SCUBE1: variants seen among roughly 807,000 people sequenced by gnomAD.
SCUBE1 encodes the protein signal peptide, CUB domain and EGF like domain containing 1.
A neutral mutation model predicts 124.4 loss-of-function variants in SCUBE1; 59 were observed. The ratio of observed to expected loss-of-function variants is 0.47; its 90% CI spans 0.38 to 0.59. The LOEUF is 0.59. Among genes scored for constraint, SCUBE1 ranks in the 20% least tolerant of loss-of-function variants. SCUBE1 has a pLI of 0.00. For synonymous variants in SCUBE1, 545 were observed against 550.9 expected, an observed-to-expected ratio of 0.99 and a Z score of 0.15; for missense variants, 1,150 against 1,371.2, an observed-to-expected ratio of 0.84 and a Z score of 2.55.
chr22:43,232,814 C>A (rs559881486), intron 7 of SCUBE1, among the ~76,000 whole-genome samples: 2 of 152,212 alleles, frequency 1.3e-5, no homozygotes, highest in Non-Finnish European at 1.5e-5. Flanking sequence ...CCCCTGTGAG[C>A]CCCCATGCTC....
chr22:43,260,940 T>C (rs543223657), intron 5 of SCUBE1, among the ~76,000 whole-genome samples: 1 of 152,330 alleles, frequency 6.6e-6, no homozygotes, highest in African/African-American at 2.4e-5. Context: ...TTGTGTCAGA[T>C]GTACTATGGG....
At chr22:43,288,037 T>G (rs185572378) in intron 4 of SCUBE1, among the ~76,000 whole-genome samples, 20 of 152,330 alleles carry the variant, frequency 1.3e-4, no homozygotes, top group Admixed American at 1.0e-3. Flanking sequence ...ACCTTGTCGT[T>G]CGAGAGCAAT....
At chr22:43,292,339 T>C (rs192409522) in intron 3 of SCUBE1, among the ~76,000 whole-genome samples, 1 of 152,262 alleles carries the variant, frequency 6.6e-6, no homozygotes, top group Non-Finnish European at 1.5e-5. Flanking sequence ...AAGGGCGCTA[T>C]TGGCTGAAAA....
At chr22:43,278,243 T>C (rs5759251) in intron 4 of SCUBE1, among the ~76,000 whole-genome samples, 76,471 of 152,230 alleles carry the variant, frequency 0.5, 22,069 homozygotes, top group East Asian at 0.97. Context: ...TTTATTCTCC[T>C]GTCCACCTGG....
rs200425162 is a variant in SCUBE1 at position 43,227,380 on chromosome 22, A to G, written c.1201T>C (p.Cys401Arg). 6.2e-7 allele frequency: 1 copy of G among 1,610,082 alleles called. No homozygotes were observed. Among genetic ancestry groups the G allele is most frequent in the Admixed American group, 1.7e-5 (1 of 59,842 alleles). ...GCACAGGGCGGCCACCTACCCACGC[A>G]ATCCTTCCCGTTCCAGTGGAGCCGC... ...GRRLHWNGKDCVETGKCLSRA... is the reference protein window; with the variant it reads ...GRRLHWNGKDRVETGKCLSRA... Residue 401 changes from cysteine (C) to arginine (R), a missense_variant, in exon 10 of 22, where the codon TGC becomes CGC. By Grantham distance (180) the Cys-to-Arg change is radical. Around this residue, in one of 3 missense-constraint regions of SCUBE1, gnomAD observed 757 missense variants for 840.9 expected, o/e 0.90. Coordinates refer to ENST00000360835, the MANE Select transcript of SCUBE1 (RefSeq NM_173050.5).
intron 16 of SCUBE1, chr22:43,213,121 G>A: frequency 6.3e-6 from 1 of 158,744 alleles, no homozygotes; most frequent in Non-Finnish European, 1.4e-5. Context: ...GCCAATTTCA[G>A]CTCCGAGTAA....
intron 3 of SCUBE1, among the ~76,000 whole-genome samples, chr22:43,304,083 C>T (rs1434718956): frequency 6.6e-6 from 1 of 152,216 alleles, no homozygotes; most frequent in Non-Finnish European, 1.5e-5. Context: ...GGATTATTGC[C>T]TTCAGAGAGC....
At chr22:43,233,485 T>C (rs1333873776) in intron 7 of SCUBE1, 3 of 152,150 alleles carry the variant, frequency 2.0e-5, no homozygotes, top group Non-Finnish European at 4.4e-5. Flanking sequence ...GAAGATCAGC[T>C]CTTGTTGGTC....
At chr22:43,226,246 C>T (rs1167955455) in intron 10 of SCUBE1, among the ~76,000 whole-genome samples, 1 of 152,140 alleles carries the variant, frequency 6.6e-6, no homozygotes, top group Non-Finnish European at 1.5e-5. Context: ...TACACCAACA[C>T]GAACCTGTAA....
At chr22:43,275,763 C>T (rs921036935) in intron 4 of SCUBE1, among the ~76,000 whole-genome samples, 2 of 152,106 alleles carry the variant, frequency 1.3e-5, no homozygotes, top group African/African-American at 2.4e-5. Context: ...GCACGTGTGC[C>T]GTAACAGGGA....
At chr22:43,239,368 G>A (rs2146686691) in intron 6 of SCUBE1, among the ~76,000 whole-genome samples, 1 of 152,370 alleles carries the variant, frequency 6.6e-6, no homozygotes, top group Middle Eastern at 3.4e-3. Context: ...TTACTTGGAG[G>A]TGACTGGGGC....
At chr22:43,257,674 G>C (rs770926591) in intron 6 of SCUBE1, among the ~76,000 whole-genome samples, 26 of 152,084 alleles carry the variant, frequency 1.7e-4, no homozygotes, top group Admixed American at 3.9e-4. Flanking sequence ...ACCCACGCAG[G>C]GCCCACACTG....
intron 2 of SCUBE1, among the ~76,000 whole-genome samples, chr22:43,335,023 G>T (rs2146800108): frequency 6.6e-6 from 1 of 152,330 alleles, no homozygotes; most frequent in African/African-American, 2.4e-5. Flanking sequence ...GAAAGCCACA[G>T]ATAGGAATAA....
chr22:43,307,622 G>A (rs1337131388), intron 3 of SCUBE1, among the ~76,000 whole-genome samples: 1 of 152,142 alleles, frequency 6.6e-6, no homozygotes, highest in Non-Finnish European at 1.5e-5. Context: ...CCAAACTGAG[G>A]TCCAGAGGCT....
chr22:43,205,356 G>C (rs886425940), intron 21 of SCUBE1, among the ~76,000 whole-genome samples: 1 of 152,076 alleles, frequency 6.6e-6, no homozygotes, highest in Non-Finnish European at 1.5e-5. Flanking sequence ...TGGGGCACTG[G>C]CTGCCACCCT....
chr22:43,235,289 G>A (rs1220967926), intron 7 of SCUBE1, among the ~76,000 whole-genome samples: 1 of 152,114 alleles, frequency 6.6e-6, no homozygotes, highest in Non-Finnish European at 1.5e-5. Flanking sequence ...AGGGCGATGG[G>A]GTGAGCTATA....
intron 3 of SCUBE1, among the ~76,000 whole-genome samples, chr22:43,299,546 T>A (rs112304932): frequency 0.026 from 3,990 of 152,280 alleles, 181 homozygotes; most frequent in African/African-American, 0.09. Context: ...GACAGAGCTG[T>A]GCACATGGTC....
chr22:43,266,687 C>A (rs767808776), intron 4 of SCUBE1, among the ~76,000 whole-genome samples: 2 of 152,184 alleles, frequency 1.3e-5, no homozygotes, highest in Non-Finnish European at 2.9e-5. Context: ...ACCTGTGGGA[C>A]CCAGATGGCT....
intron 17 of SCUBE1, 116 bp downstream of exon 17, chr22:43,212,309 C>T: frequency 2.5e-6 from 3 of 1,210,970 alleles, no homozygotes; most frequent in Non-Finnish European, 3.4e-6. Context: ...CAGGCTCCTC[C>T]TCTGAGCTGG....
Sources: gnomAD v4.1 joint callset for allele counts (sites outside exome capture counted in the v4.1 genomes callset) on GRCh38, gnomAD v4.1.1 for gene constraint, gnomAD v4.1.1 regional missense constraint, MANE v1.5 for transcripts, NCBI Gene and HGNC (gene_info 2026-07-23, HGNC 2026-07-21) for gene names.